The following SQOR variants were observed in gnomAD, a reference collection of about 807,000 sequenced individuals.
The protein encoded by SQOR is sulfide quinone oxidoreductase.
SQOR carries 39 observed loss-of-function variants against 48.6 expected under a neutral mutation model. That is an observed-to-expected ratio of 0.80 (90% CI 0.62 to 1.05). The LOEUF (loss-of-function observed/expected upper bound fraction) is 1.05. Among genes scored for constraint, SQOR ranks in the 50% least tolerant of loss-of-function variants. The pLI is 0.00. For synonymous variants in SQOR, 220 were observed against 206.2 expected, an observed-to-expected ratio of 1.07 and a Z score of -0.57; for missense variants, 561 against 559.9, an observed-to-expected ratio of 1.00 and a Z score of -0.02.
Position 45,691,017 on chromosome 15 carries a change from T to C in SQOR, c.1340T>C (p.Leu447Pro). 6.2e-7 allele frequency: 1 copy of C among 1,614,164 alleles called. No individual in the cohort carries two copies. Among genetic ancestry groups the C allele is most frequent in the South Asian group, 1.1e-5 (1 of 91,090 alleles). ...GCGTTTCTGCGCAAGTTGTTTCATC[T>C]AGGTATGAGTTAAGGATGGCTCAGC... ...GPAFLRKLFH[L>P]GMS The change falls in exon 10 of 10, where the codon CTA becomes CCA. Residue 447 changes from leucine (L) to proline (P), a missense_variant. By Grantham distance (98) the Leu-to-Pro change is moderately conservative (BLOSUM62 -3). Transcript: ENST00000260324.
At chr15:45,677,686 C>T (rs1020414663) in intron 6 of SQOR, among the ~76,000 whole-genome samples, 4 of 151,980 alleles carry the variant, frequency 2.6e-5, no homozygotes, top group African/African-American at 9.7e-5. Context: ...TAGTTTCAGG[C>T]TTTGATATGT....
chr15:45,682,362 TA>T, intron 6 of SQOR, 115 bp from the exon 7 acceptor site: 5 of 1,071,484 alleles, frequency 4.7e-6, no homozygotes, highest in Non-Finnish European at 6.7e-6. Flanking sequence ...GTGCTGATTG[TA>T]TAATGCTCCA....
chr15:45,690,079 C>CTTCT, intron 9 of SQOR, among the ~76,000 whole-genome samples: 1 of 104,222 alleles, frequency 9.6e-6, no homozygotes, highest in Middle Eastern at 7.1e-3. Context: ...ATTCCTCTTC[C>CTTCT]TCCTTTTTTT....
In SQOR at chr15:45,682,600, A is replaced by T; in HGVS notation, c.987A>T (p.Pro329=). 1 of 1,614,208 alleles carries T rather than the reference A, an allele frequency of 6.2e-7. No individual in the cohort carries two copies. The highest frequency in any genetic ancestry group is 8.5e-7 in the Non-Finnish European group (1 of 1,180,046). The change falls in exon 7 of 10, where the codon CCA becomes CCT. Residue 329 remains proline (P), a synonymous_variant. Transcript: ENST00000260324. The part of the protein sequence containing the change: ...DKETLQHRRY[P]NVFGIGDCTN... ...AAACTCTGCAACACAGGAGGTACCC[A>T]AATGTGTTTGGGATTGGGGACTGCA...
upstream of SQOR, among the ~76,000 whole-genome samples, chr15:45,632,313 G>C (rs1894911845): frequency 1.3e-5 from 2 of 151,614 alleles, no homozygotes; most frequent in African/African-American, 4.9e-5. Flanking sequence ...TCCGCCTGCT[G>C]GGTTCAAGCA....
chr15:45,671,485 TACTTGTGAGGGAGGCATTTTTATCTTC>T (rs1244031976), intron 4 of SQOR, among the ~76,000 whole-genome samples: 4 of 152,142 alleles, frequency 2.6e-5, no homozygotes, highest in Admixed American at 2.6e-4. Flanking sequence ...TCTTTACAAC[TACTTGTGAGGGAGGCATTTTTATCTTC>T]ACTTAATAGA....
chr15:45,669,808 G>T, intron 3 of SQOR, 120 bp from the exon 4 acceptor site: 1 of 824,706 alleles, frequency 1.2e-6, no homozygotes, highest in Non-Finnish European at 2.1e-6. Flanking sequence ...TCTGTTCTAT[G>T]GGCTAATAAT....
intron 6 of SQOR, among the ~76,000 whole-genome samples, chr15:45,679,217 C>CA (rs1890084785): frequency 6.6e-6 from 1 of 152,162 alleles, no homozygotes; most frequent in Admixed American, 6.5e-5. Context: ...ATCTGAATTT[C>CA]AAAAAATCCA....
chr15:45,647,486 T>C (rs898317076), intron 1 of SQOR, among the ~76,000 whole-genome samples: 1 of 151,626 alleles, frequency 6.6e-6, no homozygotes, highest in Non-Finnish European at 1.5e-5. Context: ...ACCACCACGC[T>C]TGGCTAAATT....
At chr15:45,679,578 G>C (rs1890090879) in intron 6 of SQOR, among the ~76,000 whole-genome samples, 1 of 152,270 alleles carries the variant, frequency 6.6e-6, no homozygotes, top group Admixed American at 6.5e-5. Flanking sequence ...GCAGGAGCCT[G>C]TAATCCCAGC....
chr15:45,674,948 C>T (rs920170283), intron 5 of SQOR, among the ~76,000 whole-genome samples: 2 of 152,136 alleles, frequency 1.3e-5, no homozygotes, highest in African/African-American at 4.8e-5. Context: ...TGAATGTGCT[C>T]ATGGAGGCTG....
intron 1 of SQOR, among the ~76,000 whole-genome samples, chr15:45,650,345 G>A (rs190006219): frequency 1.1e-4 from 16 of 152,296 alleles, no homozygotes; most frequent in Admixed American, 4.6e-4. Context: ...TAAAGGCGGC[G>A]TGTCCGGAGT....
At position 45,669,983 on chromosome 15, in the gene SQOR, TA is replaced by T. The variant is rs780744117; in HGVS notation, c.459+3del. Reference sequence around the variant, plus strand: ...GGAATCCAGCTGGACTATGAGAAGGTACCGTGTGAAACTGTTTCTGTGTTAC... The same window carrying T: ...GGAATCCAGCTGGACTATGAGAAGGTCCGTGTGAAACTGTTTCTGTGTTAC... On this transcript the variant is annotated splice_donor_region_variant and intron_variant, in intron 4 of 9. Transcript: ENST00000260324. The T allele has an allele frequency of 1.1e-5, 17 of 1,613,830 alleles. No individual in the cohort carries two copies. The South Asian group carries it at 1.6e-4, about 16-fold the overall frequency.
intron 1 of SQOR, among the ~76,000 whole-genome samples, chr15:45,643,720 G>A (rs899946279): frequency 1.3e-5 from 2 of 152,148 alleles, no homozygotes; most frequent in Non-Finnish European, 2.9e-5. Flanking sequence ...ATTCAGTGTA[G>A]GTATAAACCT....
chr15:45,676,150 C>T lies in SQOR; in HGVS notation c.704C>T (p.Ala235Val), dbSNP rs778925345. The part of the protein sequence containing the change: ...ANIIFNTSLG[A>V]IFGVKKYADA... ...ATCATTTTCAACACTTCTCTTGGAG[C>T]CATTTTCGGGGTTAAGAAGTATGCA... Residue 235 changes from alanine to valine, a missense_variant, in exon 6 of 10, where the codon GCC (alanine) becomes GTC (valine). By Grantham distance (64) the Ala-to-Val change is moderately conservative. Coordinates refer to ENST00000260324, the MANE Select transcript of SQOR (RefSeq NM_021199.4). 8 of 1,614,028 alleles carry T rather than the reference C, an allele frequency of 5.0e-6. No homozygotes were observed. In the African/African-American group the frequency reaches 9.3e-5, roughly 19 times the overall value.
intron 3 of SQOR, among the ~76,000 whole-genome samples, chr15:45,667,836 C>T (rs536411227): frequency 5.9e-5 from 9 of 152,140 alleles, no homozygotes; most frequent in Non-Finnish European, 7.4e-5. Flanking sequence ...CTAATATGCC[C>T]GGATTGCTCA....
At chr15:45,647,492 A>T (rs1269092370) in intron 1 of SQOR, among the ~76,000 whole-genome samples, 2 of 151,674 alleles carry the variant, frequency 1.3e-5, no homozygotes, top group Non-Finnish European at 2.9e-5. Context: ...ACGCTTGGCT[A>T]AATTTTGTAC....
At chr15:45,688,714 T>A (rs1397475764) in intron 8 of SQOR, among the ~76,000 whole-genome samples, 1 of 152,156 alleles carries the variant, frequency 6.6e-6, no homozygotes, top group African/African-American at 2.4e-5. Context: ...GGTTTCTCCA[T>A]GTTGGTCAGG....
chr15:45,638,065 G>T (rs1566912854), intron 1 of SQOR, among the ~76,000 whole-genome samples: 1 of 152,196 alleles, frequency 6.6e-6, no homozygotes, highest in Non-Finnish European at 1.5e-5. Context: ...AAGAAAAGTA[G>T]ATCTAGCCAA....
Sources: allele counts gnomAD v4.1 joint callset (sites outside exome capture counted in the v4.1 genomes callset), GRCh38; gene constraint gnomAD v4.1.1; transcripts MANE v1.5; gene names NCBI Gene and HGNC (gene_info 2026-07-23, HGNC 2026-07-21).